CREB5: variants seen among roughly 807,000 people sequenced by gnomAD.
The protein encoded by CREB5 is cyclic AMP-responsive element-binding protein 5.
In CREB5, 19 loss-of-function variants were observed where a neutral mutation model predicts 57.1. The ratio of observed to expected loss-of-function variants is 0.33; its 90% CI spans 0.23 to 0.49. The LOEUF is 0.49. Ranked by LOEUF, CREB5 falls within the 20% of genes least tolerant of loss-of-function variation. CREB5 has a pLI of 0.99. For missense variants in CREB5, 579 were observed against 671.6 expected (o/e 0.86, Z 1.52); for synonymous variants, 238 against 238.3 (o/e 1.00, Z 0.01).
At chr7:28,338,839 G>A (rs1264798303) in intron 1 of CREB5, among the ~76,000 whole-genome samples, 1 of 151,856 alleles carries the variant, frequency 6.6e-6, no homozygotes, top group Non-Finnish European at 1.5e-5. Flanking sequence ...CTCTGACTGT[G>A]TATTTTCAAA....
At position 28,433,987 on chromosome 7, in the gene CREB5, A is replaced by C. The variant is rs148057674; in HGVS notation, c.3+21070A>C. ...GCCAAGGAAACCACAGTCTGAAGAG[A>C]ATCTCCTATGAGACCTCTAGAGGGT... On this transcript the variant is annotated intron_variant, in intron 1 of 10. Transcript: ENST00000357727. Among the ~76,000 whole-genome samples the C allele has an allele frequency of 8.7e-4, 133 of 152,176 alleles. 1 individual carries two copies. Among genetic ancestry groups the C allele is most frequent in the African/African-American group, 3.1e-3 (127 of 41,534 alleles).
intron 4 of CREB5, among the ~76,000 whole-genome samples, chr7:28,536,331 C>T (rs563888278): frequency 6.6e-6 from 1 of 152,306 alleles, no homozygotes; most frequent in African/African-American, 2.4e-5. Flanking sequence ...CAGAGTCTGT[C>T]TGTTTCTTTT....
At chr7:28,759,697 A>G (rs1805536487) in intron 7 of CREB5, among the ~76,000 whole-genome samples, 1 of 152,184 alleles carries the variant, frequency 6.6e-6, no homozygotes, top group Non-Finnish European at 1.5e-5. Flanking sequence ...GCGAGGATGG[A>G]GGGTCACTTG....
chr7:28,498,053 A>T (rs1040979816), intron 3 of CREB5, among the ~76,000 whole-genome samples: 1 of 152,132 alleles, frequency 6.6e-6, no homozygotes, highest in African/African-American at 2.4e-5. Context: ...TTACATGTTT[A>T]TGTGATATTA....
chr7:28,379,474 A>G (rs541329566), intron 1 of CREB5, among the ~76,000 whole-genome samples: 1 of 152,328 alleles, frequency 6.6e-6, no homozygotes, highest in African/African-American at 2.4e-5. Context: ...ATAATCATAA[A>G]CATGTTCTCT....
At chr7:28,459,587 C>G (rs1790264442) in intron 1 of CREB5, among the ~76,000 whole-genome samples, 1 of 152,188 alleles carries the variant, frequency 6.6e-6, no homozygotes. Context: ...CTCTACTTCC[C>G]TCCTTTTTGC....
intron 5 of CREB5, among the ~76,000 whole-genome samples, chr7:28,608,113 TCACACACACTCA>T (rs1333368239): frequency 1.2e-3 from 168 of 143,154 alleles, no homozygotes; most frequent in East Asian, 4.1e-3. Context: ...TCTCTCTCTC[TCACACACACTCA>T]CACACACACA....
intron 5 of CREB5, among the ~76,000 whole-genome samples, chr7:28,681,588 T>C (rs1800597207): frequency 6.6e-6 from 1 of 152,044 alleles, no homozygotes; most frequent in Non-Finnish European, 1.5e-5. Context: ...GCTAGGGAAA[T>C]GAAGATGTAT....
At chr7:28,565,304 A>G (rs116284616) in intron 4 of CREB5, among the ~76,000 whole-genome samples, 2,856 of 152,320 alleles carry the variant, frequency 0.019, 116 homozygotes, top group African/African-American at 0.065. Flanking sequence ...CTCTAGTGCC[A>G]GGAAGCTCAG....
chr7:28,766,910 C>T (rs1283929708), intron 7 of CREB5, among the ~76,000 whole-genome samples: 1 of 152,222 alleles, frequency 6.6e-6, no homozygotes, highest in African/African-American at 2.4e-5. Context: ...GGTGATATCA[C>T]ACTTCAAACC....
intron 1 of CREB5, among the ~76,000 whole-genome samples, chr7:28,435,114 C>A (rs1447646932): frequency 2.0e-5 from 3 of 148,678 alleles, no homozygotes; most frequent in Non-Finnish European, 4.5e-5. Context: ...TTTTTCCTCC[C>A]TCACTCAACC....
chr7:28,742,394 A>G (rs1804413784), intron 7 of CREB5, among the ~76,000 whole-genome samples: 1 of 151,822 alleles, frequency 6.6e-6, no homozygotes, highest in Non-Finnish European at 1.5e-5. Flanking sequence ...GTGAAACCCC[A>G]TCTCTACTAA....
At chr7:28,587,074 G>A (rs1796330674) in intron 5 of CREB5, among the ~76,000 whole-genome samples, 1 of 152,124 alleles carries the variant, frequency 6.6e-6, no homozygotes, top group Admixed American at 6.5e-5. Context: ...TACAAAAGGT[G>A]GATTGTTACA....
intron 5 of CREB5, among the ~76,000 whole-genome samples, chr7:28,687,662 T>A (rs1303971711): frequency 1.3e-5 from 2 of 151,758 alleles, no homozygotes; most frequent in Non-Finnish European, 2.9e-5. Context: ...GCTGGATGCA[T>A]ATTGAGGCAT....
intron 4 of CREB5, among the ~76,000 whole-genome samples, chr7:28,511,635 C>T (rs1306504768): frequency 2.0e-5 from 3 of 152,192 alleles, no homozygotes; most frequent in Non-Finnish European, 2.9e-5. Context: ...CAGGTACCCA[C>T]CACCATGCCC....
At chr7:28,473,525 T>C (rs1031543723) in intron 1 of CREB5, among the ~76,000 whole-genome samples, 7 of 152,248 alleles carry the variant, frequency 4.6e-5, no homozygotes, top group African/African-American at 1.7e-4. Context: ...GCCTCATCCT[T>C]CTCATTCAGT....
intron 4 of CREB5, among the ~76,000 whole-genome samples, chr7:28,514,520 A>G (rs1412245231): frequency 6.6e-6 from 1 of 151,988 alleles, no homozygotes; most frequent in Non-Finnish European, 1.5e-5. Flanking sequence ...CTCAGCCTCC[A>G]GAGTAGCTGG....
chr7:28,511,628 G>A (rs905264968), intron 4 of CREB5, among the ~76,000 whole-genome samples: 1 of 152,124 alleles, frequency 6.6e-6, no homozygotes, highest in Non-Finnish European at 1.5e-5. Flanking sequence ...GGGACTACAG[G>A]TACCCACCAC....
chr7:28,371,336 A>T (rs1470253117), intron 1 of CREB5, among the ~76,000 whole-genome samples: 1 of 151,794 alleles, frequency 6.6e-6, no homozygotes, highest in African/African-American at 2.4e-5. Flanking sequence ...AATAAATAAA[A>T]ATAAAAGCTG....
Sources: gnomAD v4.1 joint callset for allele counts (sites outside exome capture counted in the v4.1 genomes callset) on GRCh38, gnomAD v4.1.1 for gene constraint, MANE v1.5 for transcripts, NCBI Gene and HGNC (gene_info 2026-07-23, HGNC 2026-07-21) for gene names.